The following FARS2 variants were observed in gnomAD, a reference collection of about 807,000 sequenced individuals.
The protein encoded by FARS2 is phenylalanyl-tRNA synthetase 2, mitochondrial, also known as phenylalanine--tRNA ligase, mitochondrial.
Under a neutral mutation model 46.4 loss-of-function variants are expected in FARS2, and 40 were observed. The observed-to-expected ratio is 0.86, with a 90% CI of 0.67 to 1.12. The LOEUF (loss-of-function observed/expected upper bound fraction) is 1.12, where lower values mean the gene tolerates loss of function less well. Among genes scored for constraint, FARS2 ranks in the 50% most tolerant of loss-of-function variants. The pLI is 0.00. For missense variants in FARS2, 513 were observed against 567.9 expected (o/e 0.90, Z 0.98); for synonymous variants, 234 against 214.9 (o/e 1.09, Z -0.78).
chr6:5,399,148 AT>A (rs1761091997), intron 2 of FARS2, among the ~76,000 whole-genome samples: 1 of 128,682 alleles, frequency 7.8e-6, no homozygotes, highest in Non-Finnish European at 1.6e-5. Context: ...TATTATTATT[AT>A]TATTATTATT....
intron 1 of FARS2, among the ~76,000 whole-genome samples, chr6:5,263,361 C>T (rs1057118071): frequency 3.3e-5 from 5 of 152,184 alleles, no homozygotes; most frequent in Non-Finnish European, 2.9e-5. Flanking sequence ...AAGTGATAGG[C>T]TTCCCAGTTA....
At chr6:5,624,984 A>C (rs1359590432) in intron 6 of FARS2, among the ~76,000 whole-genome samples, 47 of 152,038 alleles carry the variant, frequency 3.1e-4, no homozygotes, top group Non-Finnish European at 1.2e-4. Flanking sequence ...TCCCCGCCTA[A>C]CTCACTGTCC....
chr6:5,714,518 A>G lies in FARS2; in HGVS notation c.1218-56773A>G, dbSNP rs1452540561. Among the ~76,000 whole-genome samples the G allele has an allele frequency of 3.3e-5, 5 of 152,304 alleles. No individual in the cohort carries two copies. The East Asian group carries it at 7.7e-4, about 23-fold the overall frequency. On this transcript the variant is annotated intron_variant, in intron 6 of 6. Transcript: ENST00000274680. ...ACTCCTACATTTTCTTCTATAGCCT[A>G]AAATCACAGAGAAAACAAACTTATT...
At chr6:5,713,280 A>G (rs1277520423) in intron 6 of FARS2, among the ~76,000 whole-genome samples, 2 of 152,256 alleles carry the variant, frequency 1.3e-5, no homozygotes, top group Non-Finnish European at 2.9e-5. Context: ...TCAATGTTGT[A>G]TCTGGGCAAA....
intron 4 of FARS2, among the ~76,000 whole-genome samples, chr6:5,485,448 T>C (rs1371745823): frequency 6.7e-6 from 1 of 148,976 alleles, no homozygotes; most frequent in Non-Finnish European, 1.5e-5. Context: ...TCTCACATGA[T>C]GCAGTTCTTA....
At chr6:5,322,421 A>G (rs1770045329) in intron 1 of FARS2, among the ~76,000 whole-genome samples, 1 of 152,232 alleles carries the variant, frequency 6.6e-6, no homozygotes, top group Non-Finnish European at 1.5e-5. Context: ...GTCCCTGGTG[A>G]TATGATGAGG....
intron 5 of FARS2, among the ~76,000 whole-genome samples, chr6:5,549,044 C>T (rs1771209017): frequency 1.3e-5 from 2 of 152,138 alleles, no homozygotes; most frequent in South Asian, 4.1e-4. Context: ...TAGCTTAAAA[C>T]AACATGTATT....
rs1442166148 is a variant in FARS2 at position 5,675,915 on chromosome 6, G to A, written c.1217+62595G>A. ...TTTCCTACATATTGAACAACGTCTC[G>A]GTCATAATCATGGCATATGCTGCAT... On this transcript the variant is annotated intron_variant, in intron 6 of 6. Coordinates refer to ENST00000274680, the MANE Select transcript of FARS2 (RefSeq NM_006567.5). Among the ~76,000 whole-genome samples the A allele has an allele frequency of 3.3e-5, 5 of 152,002 alleles. No homozygotes were observed. The East Asian group carries it at 5.8e-4, about 18-fold the overall frequency.
chr6:5,658,258 A>G (rs1305086745), intron 6 of FARS2, among the ~76,000 whole-genome samples: 2 of 14,692 alleles, frequency 1.4e-4, no homozygotes, highest in East Asian at 3.1e-3. Context: ...CTCTGTCTCA[A>G]AAAAAAAAAA....
intron 6 of FARS2, among the ~76,000 whole-genome samples, chr6:5,731,596 G>C (rs1241450893): frequency 6.6e-6 from 1 of 152,240 alleles, no homozygotes; most frequent in South Asian, 2.1e-4. Flanking sequence ...GATCTCCTGT[G>C]TACTCCTCTA....
chr6:5,564,651 G>A (rs1772221525), intron 5 of FARS2, among the ~76,000 whole-genome samples: 1 of 152,150 alleles, frequency 6.6e-6, no homozygotes, highest in Non-Finnish European at 1.5e-5. Context: ...TGCATAAAGT[G>A]CAGCAAGAAT....
chr6:5,345,534 T>C (rs967081934), intron 1 of FARS2, among the ~76,000 whole-genome samples: 2 of 152,222 alleles, frequency 1.3e-5, no homozygotes, highest in African/African-American at 4.8e-5. Flanking sequence ...TACCCACAGC[T>C]TCTCAGGCGC....
intron 4 of FARS2, among the ~76,000 whole-genome samples, chr6:5,523,711 CT>C (rs1258761513): frequency 8.5e-5 from 13 of 152,182 alleles, no homozygotes; most frequent in African/African-American, 2.9e-4. Context: ...CTACTGTTAC[CT>C]AGCACACTTT....
intron 5 of FARS2, among the ~76,000 whole-genome samples, chr6:5,555,258 T>G (rs929996689): frequency 1.3e-5 from 2 of 152,082 alleles, no homozygotes; most frequent in African/African-American, 4.8e-5. Context: ...CACGGAACTG[T>G]AAGTCCAACT....
upstream of FARS2, chr6:5,260,996 G>T: frequency 3.7e-6 from 4 of 1,090,024 alleles, no homozygotes; most frequent in Non-Finnish European, 4.5e-6. Context: ...CCTCCGCCCC[G>T]CCCCGATCCC....
intron 1 of FARS2, among the ~76,000 whole-genome samples, chr6:5,327,207 A>G (rs1397336074): frequency 1.3e-5 from 2 of 152,240 alleles, no homozygotes; most frequent in African/African-American, 4.8e-5. Flanking sequence ...CTTTCATTTT[A>G]TAGGCCTGTG....
At chr6:5,616,010 TAAAAAAA>T (rs11327256) in intron 6 of FARS2, among the ~76,000 whole-genome samples, 1 of 95,830 alleles carries the variant, frequency 1.0e-5, no homozygotes, top group African/African-American at 3.9e-5. Context: ...CCATAGCTCT[TAAAAAAA>T]AAAAAAAAAA....
chr6:5,745,158 C>T (rs892153244), intron 6 of FARS2, among the ~76,000 whole-genome samples: 2 of 152,218 alleles, frequency 1.3e-5, no homozygotes, highest in African/African-American at 4.8e-5. Context: ...CTATTATTAG[C>T]CCTGTTCTAC....
intron 5 of FARS2, among the ~76,000 whole-genome samples, chr6:5,560,867 G>A (rs955904145): frequency 3.3e-5 from 5 of 152,112 alleles, no homozygotes; most frequent in South Asian, 2.1e-4. Context: ...TGTGGCTCAC[G>A]CCTGTAATCC....
Sources: gnomAD v4.1 joint callset for allele counts (sites outside exome capture counted in the v4.1 genomes callset) on GRCh38, gnomAD v4.1.1 for gene constraint, MANE v1.5 for transcripts, NCBI Gene and HGNC (gene_info 2026-07-23, HGNC 2026-07-21) for gene names.